Variants in STIM1 observed in about 807,000 individuals in gnomAD.
STIM1 encodes stromal interaction molecule 1.
In STIM1, 25 loss-of-function variants were observed where a neutral mutation model predicts 74.7. The ratio of observed to expected loss-of-function variants is 0.33; its 90% confidence interval spans 0.24 to 0.47. STIM1 has a LOEUF of 0.47. Among genes scored for constraint, STIM1 ranks in the 20% least tolerant of loss-of-function variants. The pLI, the probability that STIM1 is intolerant of heterozygous loss-of-function variation, is 1.00. For synonymous variants in STIM1, 328 were observed against 348.8 expected (o/e 0.94, Z 0.66); for missense variants, 728 against 920.8 (o/e 0.79, Z 2.71).
intron 1 of STIM1, among the ~76,000 whole-genome samples, chr11:3,898,067 T>C (rs1417464379): frequency 1.3e-5 from 2 of 152,230 alleles, no homozygotes; most frequent in Non-Finnish European, 2.9e-5. Context: ...TTTCTAGTTC[T>C]AGATCCTTGA....
chr11:4,020,194 A>G (rs946719516), intron 2 of STIM1, among the ~76,000 whole-genome samples: 1 of 152,016 alleles, frequency 6.6e-6, no homozygotes, highest in Non-Finnish European at 1.5e-5. Context: ...TTAAACATTC[A>G]TTTGCTGATG....
At chr11:3,963,938 A>G (rs926959587) in intron 1 of STIM1, among the ~76,000 whole-genome samples, 1 of 152,192 alleles carries the variant, frequency 6.6e-6, no homozygotes, top group African/African-American at 2.4e-5. Flanking sequence ...GAAGATGGGA[A>G]CTGTTTACTT....
intron 3 of STIM1, among the ~76,000 whole-genome samples, chr11:4,054,783 G>A (rs922879945): frequency 6.6e-6 from 1 of 152,164 alleles, no homozygotes; most frequent in African/African-American, 2.4e-5. Context: ...TCTTCATTCT[G>A]TATTGAGTGC....
At chr11:4,034,600 CT>C (rs2094083595) in intron 3 of STIM1, among the ~76,000 whole-genome samples, 1 of 151,996 alleles carries the variant, frequency 6.6e-6, no homozygotes, top group Non-Finnish European at 1.5e-5. Flanking sequence ...CTTAAAATGT[CT>C]TTGTTTTTGG....
At chr11:3,876,422 G>A (rs545313405) in intron 1 of STIM1, among the ~76,000 whole-genome samples, 21 of 152,134 alleles carry the variant, frequency 1.4e-4, no homozygotes, top group African/African-American at 3.6e-4. Context: ...TTTTGTTTTT[G>A]GGAGACAGGG....
intron 1 of STIM1, among the ~76,000 whole-genome samples, chr11:3,950,560 T>G (rs937046058): frequency 3.3e-5 from 5 of 152,308 alleles, no homozygotes; most frequent in Admixed American, 6.5e-5. Context: ...CTGTGAGCAT[T>G]TATGTACAGG....
chr11:3,973,167 A>C (rs1323468924), intron 2 of STIM1: 3 of 420,860 alleles, frequency 7.1e-6, no homozygotes, highest in Non-Finnish European at 1.4e-5. Flanking sequence ...AATCCATTAT[A>C]GCCATCCCTG....
At chr11:3,856,533 T>G in intron 1 of STIM1, 124 bp downstream of exon 1, 1 of 1,211,468 alleles carries the variant, frequency 8.3e-7, no homozygotes, top group Non-Finnish European at 1.1e-6. Context: ...CACATGGCAC[T>G]GCCTGTTCCA....
intron 1 of STIM1, among the ~76,000 whole-genome samples, chr11:3,918,151 T>C (rs901321663): frequency 6.6e-6 from 1 of 152,190 alleles, no homozygotes; most frequent in African/African-American, 2.4e-5. Flanking sequence ...GGTGTCATTC[T>C]TAGGCAGGCT....
Position 4,074,664 on chromosome 11 carries a change from G to A in STIM1, c.954G>A (p.Glu318=), listed in dbSNP as rs779546625. 69 of 1,561,628 alleles carry A rather than the reference G, an allele frequency of 4.4e-5. No individual in the cohort carries two copies. The highest frequency in any genetic ancestry group is 5.9e-5 in the Non-Finnish European group (68 of 1,152,190). ...AGCGGAGCCGCCAAAAATATGCTGA[G>A]GAGGAGTTGGAGCAGGTAGGAGAGT... ...ENERSRQKYA[E]EELEQVREAL... The change falls in exon 7 of 13, where the codon GAG becomes GAA. Residue 318 remains glutamate, a synonymous_variant. Transcript: ENST00000526596.
intron 11 of STIM1, 106 bp downstream of exon 11, chr11:4,084,871 C>A: frequency 2.3e-6 from 2 of 861,038 alleles, no homozygotes; most frequent in Non-Finnish European, 1.7e-6. Flanking sequence ...CCCCTGCCTG[C>A]TCCCTCTATC....
At chr11:3,902,437 G>A (rs1455580766) in intron 1 of STIM1, among the ~76,000 whole-genome samples, 1 of 152,194 alleles carries the variant, frequency 6.6e-6, no homozygotes, top group East Asian at 1.9e-4. Flanking sequence ...AGACCAGGGT[G>A]CGGGGTGGGG....
chr11:4,057,737 G>T (rs1159248083), intron 4 of STIM1, among the ~76,000 whole-genome samples: 2 of 152,140 alleles, frequency 1.3e-5, no homozygotes, highest in Non-Finnish European at 2.9e-5. Flanking sequence ...AGGCGTGGTG[G>T]CAGGTGCCTG....
intron 1 of STIM1, among the ~76,000 whole-genome samples, chr11:3,926,492 C>G (rs542717505): frequency 3.5e-4 from 54 of 152,198 alleles, no homozygotes; most frequent in Non-Finnish European, 7.5e-4. Context: ...AGACCACTGT[C>G]TTAATACATA....
chr11:3,985,415 TGTGTAA>T (rs1293782412), intron 2 of STIM1, among the ~76,000 whole-genome samples: 2 of 152,154 alleles, frequency 1.3e-5, no homozygotes, highest in East Asian at 3.8e-4. Flanking sequence ...TAGATGTGTC[TGTGTAA>T]GACAAGAAGT....
rs2094527503 is a variant in STIM1, at chr11:4,091,906, G to A, written c.*108G>A. ...TGGCCCCAAGAGTGGGGCATGGGAAGGGCTGGTCCAGGGGTCTGGGCACTG... is the reference window on the plus strand; with the variant it reads ...TGGCCCCAAGAGTGGGGCATGGGAAAGGCTGGTCCAGGGGTCTGGGCACTG... On this transcript the variant is annotated 3_prime_UTR_variant, in exon 13 of 13. Transcript: ENST00000526596. 6.7e-7 allele frequency: 1 copy of A among 1,489,114 alleles called. No homozygotes were observed. The highest frequency in any genetic ancestry group is 1.4e-5 in the African/African-American group (1 of 72,258). The allele number at this position is 1,489,114 out of a possible 1,614,324, so 92.2% of individuals were successfully genotyped here.
chr11:3,940,538 G>A (rs1302600361), intron 1 of STIM1, among the ~76,000 whole-genome samples: 1 of 152,142 alleles, frequency 6.6e-6, no homozygotes, highest in African/African-American at 2.4e-5. Flanking sequence ...AGGGTTGTGA[G>A]GAATAATGAG....
chr11:3,904,065 T>C (rs1011802592), intron 1 of STIM1, among the ~76,000 whole-genome samples: 6 of 150,950 alleles, frequency 4.0e-5, no homozygotes, highest in Non-Finnish European at 8.9e-5. Flanking sequence ...GGTGTGGTGG[T>C]ATGTGCCTGT....
rs904012209 is a variant in STIM1, at chr11:3,989,623, A to G, written c.270+21941A>G. 2.0e-5 allele frequency among the ~76,000 whole-genome samples: 3 copies of G among 152,356 alleles called. No individual in the cohort carries two copies. The East Asian group carries it at 5.8e-4, about 29-fold the overall frequency. On this transcript the variant is annotated intron_variant, in intron 2 of 12. Transcript: ENST00000526596. ...AGAACCCTGATTTTTACATTTTAAA[A>G]TAGTTTAGGGGGAAAGCTAAAGAAG...
Sources: allele counts gnomAD v4.1 joint callset (sites outside exome capture counted in the v4.1 genomes callset), GRCh38; gene constraint gnomAD v4.1.1; transcripts MANE v1.5; gene names NCBI Gene and HGNC (gene_info 2026-07-23, HGNC 2026-07-21).